Variants in SPATA31D1 observed in about 807,000 individuals in gnomAD.
SPATA31D1 encodes the protein SPATA31 subfamily D member 1, also known as spermatogenesis-associated protein 31D1.
A neutral mutation model predicts 13.2 loss-of-function variants in SPATA31D1; 6 were observed. That is an observed-to-expected ratio of 0.46 (90% confidence interval 0.25 to 0.90). The LOEUF (loss-of-function observed/expected upper bound fraction) is 0.90. SPATA31D1 is among the 40% of genes least tolerant of loss of function. The pLI is 0.18. For synonymous variants in SPATA31D1, 903 were observed against 718.8 expected (o/e 1.26, Z -4.10); for missense variants, 2,445 against 1,884.7 (o/e 1.30, Z -5.50).
chr9:81,993,733 C>T lies in SPATA31D1; in HGVS notation c.3263C>T (p.Thr1088Ile). ...SVRTTEDGRQ[T>I]FLPPPHSIVD... ...CGGACAACAGAGGATGGCAGACAGA[C>T]TTTTCTGCCCCCGCCACACAGCATC... is the stretch of plus-strand genomic sequence containing the variant. Residue 1088 changes from threonine to isoleucine, a missense_variant, in exon 4 of 4, where the codon ACT becomes ATT. Thr to Ile is a moderately conservative substitution (Grantham distance 89). Coordinates refer to ENST00000344803, the MANE Select transcript of SPATA31D1 (RefSeq NM_001001670.3). 1 of 1,614,014 alleles carries T rather than the reference C, an allele frequency of 6.2e-7. No homozygotes were observed.
At position 81,992,073 on chromosome 9, in the gene SPATA31D1, A is replaced by G; in HGVS notation, c.1603A>G (p.Ile535Val). ...HSSMFVFFNG[I>V]TNTSISHESP... The stretch of plus-strand genomic sequence containing the variant: ...CTCCATGTTTGTATTCTTCAATGGC[A>G]TTACAAATACATCTATATCCCATGA... The change falls in exon 4 of 4, where the codon ATT becomes GTT. Residue 535 changes from isoleucine (I) to valine (V), a missense_variant. Transcript: ENST00000344803. The G allele has an allele frequency of 1.2e-6, 2 of 1,613,736 alleles. No homozygotes were observed. Among genetic ancestry groups the G allele is most frequent in the South Asian group, 2.2e-5 (2 of 91,070 alleles).
rs575552385 is a variant in SPATA31D1 at position 81,991,914 on chromosome 9, A to G, written c.1444A>G (p.Ile482Val). ...TAAAGGCAAACTAGAATGGCAGCAC[A>G]TCCATCAGCAGCCTCCACACTCTAA... ...ASKGKLEWQH[I>V]HQQPPHSKCF... Residue 482 changes from isoleucine to valine, a missense_variant, in exon 4 of 4, where the codon ATC (isoleucine) becomes GTC (valine). Transcript: ENST00000344803. 5.0e-6 allele frequency: 8 copies of G among 1,613,798 alleles called. No homozygotes were observed. In the South Asian group the frequency reaches 5.5e-5, roughly 11 times the overall value.
rs373045145 is a variant in SPATA31D1, at chr9:81,994,244, C to G, written c.3774C>G (p.His1258Gln). The part of the protein sequence containing the change: ...DMGTSQVVHV[H>Q]LEDSGIRVAQ... Reference sequence around the variant, plus strand: ...GAACTTCCCAGGTGGTGCATGTCCACTTGGAGGACAGCGGAATCCGTGTGG... The same window carrying G: ...GAACTTCCCAGGTGGTGCATGTCCAGTTGGAGGACAGCGGAATCCGTGTGG... Residue 1258 changes from histidine (H) to glutamine (Q), a missense_variant, in exon 4 of 4, where the codon CAC (histidine) becomes CAG (glutamine). Physicochemically the swap from His to Gln is conservative, Grantham distance 24. Transcript: ENST00000344803. 1 of 1,613,882 alleles carries G rather than the reference C, an allele frequency of 6.2e-7. No homozygotes were observed. Among genetic ancestry groups the G allele is most frequent in the South Asian group, 1.1e-5 (1 of 91,082 alleles).
In SPATA31D1 at chr9:81,994,365, C is replaced by T; in HGVS notation, c.3895C>T (p.Pro1299Ser). ...PAVNRVSPVR[P>S]KGGELDGGDA... ...TGTAAACAGAGTGAGTCCTGTGAGACCCAAAGGAGGAGAGCTTGATGGAGG... is the reference window on the plus strand; with the variant it reads ...TGTAAACAGAGTGAGTCCTGTGAGATCCAAAGGAGGAGAGCTTGATGGAGG... Residue 1299 changes from proline to serine, a missense_variant, in exon 4 of 4, where the codon CCC (proline) becomes TCC (serine). Physicochemically the swap from Pro to Ser is moderately conservative, Grantham distance 74 (BLOSUM62 -1). Transcript: ENST00000344803. 4 of 1,613,886 alleles carry T rather than the reference C, an allele frequency of 2.5e-6. No individual in the cohort carries two copies. In the South Asian group the frequency reaches 3.3e-5, roughly 13 times the overall value.
At position 81,988,813 on chromosome 9, in the gene SPATA31D1, C is replaced by G. The variant is rs1216477186; in HGVS notation, c.-6C>G. ...AGTTGCTTCAGGCAGCTGAGCTATT[C>G]AGACCATGGAGAATATCCTCTGTTT... On this transcript the variant is annotated 5_prime_UTR_variant, in exon 1 of 4. Transcript: ENST00000344803. 1 of 1,612,316 alleles carries G rather than the reference C, an allele frequency of 6.2e-7. No homozygotes were observed. Among genetic ancestry groups the G allele is most frequent in the Non-Finnish European group, 8.5e-7 (1 of 1,179,720 alleles).
rs767239324 is a variant in SPATA31D1 at position 81,992,135 on chromosome 9, G to C, written c.1665G>C (p.Leu555Phe). Residue 555 changes from leucine (L) to phenylalanine (F), a missense_variant, in exon 4 of 4, where the codon TTG (leucine) becomes TTC (phenylalanine). Leu to Phe is a conservative substitution (Grantham distance 22). Coordinates refer to ENST00000344803, the MANE Select transcript of SPATA31D1 (RefSeq NM_001001670.3). Reference sequence around the variant, plus strand: ...TTCCCCCTCCCCAACCTCTGTCCTTGCCTAGTACCCAACCACTACCCTTGC... The same window carrying C: ...TTCCCCCTCCCCAACCTCTGTCCTTCCCTAGTACCCAACCACTACCCTTGC... The part of the protein sequence containing the change: ...PVLPPPQPLS[L>F]PSTQPLPLPQ... 12 of 1,613,456 alleles carry C rather than the reference G, an allele frequency of 7.4e-6. No homozygotes were observed. Among genetic ancestry groups the C allele is most frequent in the Non-Finnish European group, 1.0e-5 (12 of 1,179,676 alleles).
chr9:81,990,305 T>G, intron 2 of SPATA31D1, 112 bp from the exon 3 acceptor site: 2 of 750,108 alleles, frequency 2.7e-6, no homozygotes, highest in South Asian at 4.3e-5. Context: ...TATTTTCCCT[T>G]TTCTACTGAT....
intron 3 of SPATA31D1, 128 bp downstream of exon 3, chr9:81,990,614 G>T: frequency 7.6e-7 from 1 of 1,313,972 alleles, no homozygotes; most frequent in Non-Finnish European, 1.0e-6. Context: ...GAATGGGTAT[G>T]TGAATGAATG....
chr9:81,992,766 A>G lies in SPATA31D1; in HGVS notation c.2296A>G (p.Met766Val), dbSNP rs2133441706. ...CGAGAGGAGCTCAAATATGCTTTCCATGGAGAATGTGGGGAATTATCAGGG... is the reference window on the plus strand; with the variant it reads ...CGAGAGGAGCTCAAATATGCTTTCCGTGGAGAATGTGGGGAATTATCAGGG... Reference protein sequence around the residue: ...FHERSSNMLSMENVGNYQGYS... With the variant: ...FHERSSNMLSVENVGNYQGYS... The change falls in exon 4 of 4, where the codon ATG (methionine) becomes GTG (valine). Residue 766 changes from methionine to valine, a missense_variant. By Grantham distance (21) the Met-to-Val change is conservative. Coordinates refer to ENST00000344803, the MANE Select transcript of SPATA31D1 (RefSeq NM_001001670.3). 1.2e-6 allele frequency: 2 copies of G among 1,613,810 alleles called. No individual in the cohort carries two copies. Among genetic ancestry groups the G allele is most frequent in the South Asian group, 1.1e-5 (1 of 91,084 alleles).
chr9:81,989,753 G>C (rs1279927882), intron 1 of SPATA31D1, 25 bp from the exon 2 acceptor site: 1 of 1,613,232 alleles, frequency 6.2e-7, no homozygotes, highest in Non-Finnish European at 8.5e-7. Flanking sequence ...GTCCCAGCCT[G>C]TCATTATCTG....
At chr9:81,989,930 T>C in intron 2 of SPATA31D1, 107 bp downstream of exon 2, 1 of 1,301,366 alleles carries the variant, frequency 7.7e-7, no homozygotes, top group Non-Finnish European at 1.1e-6. Context: ...GATGCAGTCT[T>C]AGAAAACAGA....
rs1415639658 is a variant in SPATA31D1 at position 81,992,955 on chromosome 9, G to A, written c.2485G>A (p.Ala829Thr). Residue 829 changes from alanine to threonine, a missense_variant, in exon 4 of 4, where the codon GCC becomes ACC. By Grantham distance (58) the Ala-to-Thr change is moderately conservative. Transcript: ENST00000344803. Reference protein sequence around the residue: ...VRLGQKQLENALTVRLSKKFE... With the variant: ...VRLGQKQLENTLTVRLSKKFE... ...ACTAGGTCAGAAACAACTTGAAAATGCCCTGACAGTACGTTTGAGCAAGAA... is the reference window on the plus strand; with the variant it reads ...ACTAGGTCAGAAACAACTTGAAAATACCCTGACAGTACGTTTGAGCAAGAA... 2.7e-5 allele frequency: 43 copies of A among 1,613,632 alleles called. No homozygotes were observed. The highest frequency in any genetic ancestry group is 3.6e-5 in the Non-Finnish European group (43 of 1,179,728).
upstream of SPATA31D1, among the ~76,000 whole-genome samples, chr9:81,988,335 A>C (rs1360196465): frequency 1.3e-5 from 2 of 152,180 alleles, no homozygotes; most frequent in Admixed American, 1.3e-4. Flanking sequence ...AGGAAATTTA[A>C]GTTTTATATC....
rs772371244 is a variant in SPATA31D1 at position 81,992,555 on chromosome 9, C to T, written c.2085C>T (p.Leu695=). 5 of 1,611,990 alleles carry T rather than the reference C, an allele frequency of 3.1e-6. No individual in the cohort carries two copies. Among genetic ancestry groups the T allele is most frequent in the South Asian group, 2.2e-5 (2 of 90,988 alleles). The change falls in exon 4 of 4, where the codon CTC becomes CTT. Residue 695 remains leucine, a synonymous_variant. Transcript: ENST00000344803. ...KKLEQHIRRR[L]IQRRWGLPRR... Reference sequence around the variant, plus strand: ...TAGAGCAACACATTCGAAGGAGGCTCATCCAGCGCAGATGGGGCCTGCCCC... The same window carrying T: ...TAGAGCAACACATTCGAAGGAGGCTTATCCAGCGCAGATGGGGCCTGCCCC...
In SPATA31D1 at chr9:81,993,554, T is replaced by A. The variant is rs1159729028; in HGVS notation, c.3084T>A (p.Gly1028=). 3 of 1,613,382 alleles carry A rather than the reference T, an allele frequency of 1.9e-6. No individual in the cohort carries two copies. The highest frequency in any genetic ancestry group is 2.5e-6 in the Non-Finnish European group (3 of 1,179,760). ...KDGASTSLRR[G]TTDFQSEKLD... is the part of the protein sequence containing the mutation. Reference sequence around the variant, plus strand: ...GGGCCTCCACATCCCTTAGAAGAGGTACTACAGATTTTCAAAGCGAAAAAT... The same window carrying A: ...GGGCCTCCACATCCCTTAGAAGAGGAACTACAGATTTTCAAAGCGAAAAAT... Residue 1028 remains glycine (G), a synonymous_variant, in exon 4 of 4, where the codon GGT becomes GGA. Coordinates refer to ENST00000344803, the MANE Select transcript of SPATA31D1 (RefSeq NM_001001670.3).
At position 81,991,170 on chromosome 9, in the gene SPATA31D1, C is replaced by T. The variant is rs933118806; in HGVS notation, c.700C>T (p.Pro234Ser). 7 of 1,613,716 alleles carry T rather than the reference C, an allele frequency of 4.3e-6. No homozygotes were observed. Among genetic ancestry groups the T allele is most frequent in the African/African-American group, 1.3e-5 (1 of 74,914 alleles). ...QPVSPLDSKFPIDHSPPQQLP... is the reference protein window; with the variant it reads ...QPVSPLDSKFSIDHSPPQQLP... ...TGTTTCTCCCTTGGATTCCAAGTTC[C>T]CCATAGACCATTCCCCACCCCAACA... Residue 234 changes from proline to serine, a missense_variant, in exon 4 of 4, where the codon CCC becomes TCC. Transcript: ENST00000344803.
chr9:81,989,778 C>A lies in SPATA31D1; in HGVS notation c.187C>A (p.His63Asn). The change falls in exon 2 of 4, where the codon CAT becomes AAT. Residue 63 changes from histidine to asparagine, a missense_variant and splice_region_variant. By Grantham distance (68) the His-to-Asn change is moderately conservative (BLOSUM62 1). Transcript: ENST00000344803. ...PTEKNNDIQK[H>N]QGRAKRRRKG... Reference sequence around the variant, plus strand: ...GTCATTATCTGTCTTTTGTTCTCAGCATCAGGGCAGAGCCAAGAGGAGAAG... The same window carrying A: ...GTCATTATCTGTCTTTTGTTCTCAGAATCAGGGCAGAGCCAAGAGGAGAAG... The A allele has an allele frequency of 6.2e-7, 1 of 1,613,626 alleles. No individual in the cohort carries two copies. The highest frequency in any genetic ancestry group is 8.5e-7 in the Non-Finnish European group (1 of 1,179,668).
In SPATA31D1 at chr9:81,993,031, G is replaced by T; in HGVS notation, c.2561G>T (p.Trp854Leu). The change falls in exon 4 of 4, where the codon TGG (tryptophan) becomes TTG (leucine). Residue 854 changes from tryptophan (W) to leucine (L), a missense_variant. Transcript: ENST00000344803. Reference protein sequence around the residue: ...GRMPGTVHSSWHSVKQTMSLP... With the variant: ...GRMPGTVHSSLHSVKQTMSLP... ...ATGCCTGGGACTGTGCATAGTTCAT[G>T]GCACTCAGTCAAGCAGACAATGTCT... 1 of 1,613,778 alleles carries T rather than the reference G, an allele frequency of 6.2e-7. No homozygotes were observed. Among genetic ancestry groups the T allele is most frequent in the Non-Finnish European group, 8.5e-7 (1 of 1,179,724 alleles).
Position 81,995,106 on chromosome 9 carries a change from G to T in SPATA31D1, c.4636G>T (p.Ala1546Ser), listed in dbSNP as rs1316692428. ...SLVCPAVPTS[A>S]KSPVFSDVPF... ...GGTGTGTCCAGCCGTCCCAACCAGT[G>T]CTAAAAGCCCTGTGTTTAGTGATGT... The change falls in exon 4 of 4, where the codon GCT (alanine) becomes TCT (serine). Residue 1546 changes from alanine to serine, a missense_variant. By Grantham distance (99) the Ala-to-Ser change is moderately conservative. Transcript: ENST00000344803. 6.2e-7 allele frequency: 1 copy of T among 1,609,056 alleles called. No individual in the cohort carries two copies. Among genetic ancestry groups the T allele is most frequent in the Admixed American group, 1.7e-5 (1 of 59,222 alleles).
Sources: allele counts gnomAD v4.1 joint callset (sites outside exome capture counted in the v4.1 genomes callset), GRCh38; gene constraint gnomAD v4.1.1; transcripts MANE v1.5; gene names NCBI Gene and HGNC (gene_info 2026-07-23, HGNC 2026-07-21).